COL6A3: variants seen among roughly 807,000 people sequenced by gnomAD.
COL6A3 encodes the protein collagen type VI alpha 3 chain, also known as collagen alpha-3(VI) chain.
In COL6A3, 137 loss-of-function variants were observed where a neutral mutation model predicts 274.1. The observed-to-expected ratio is 0.50, with a 90% CI of 0.44 to 0.58. The LOEUF (loss-of-function observed/expected upper bound fraction) is 0.58. COL6A3 is among the 20% of genes least tolerant of loss of function. The pLI, the probability that COL6A3 is intolerant of heterozygous loss-of-function variation, is 0.00. For synonymous variants in COL6A3, 1,650 were observed against 1,650.6 expected, an observed-to-expected ratio of 1.00 and a Z score of 0.01; for missense variants, 3,950 against 4,124.9, an observed-to-expected ratio of 0.96 and a Z score of 1.16.
chr2:237,359,121 C>G, intron 19 of COL6A3, 33 bp from the exon 20 acceptor site: 1 of 1,613,790 alleles, frequency 6.2e-7, no homozygotes, highest in East Asian at 2.2e-5. Flanking sequence ...GTCACACCTG[C>G]TGCAATTTCT....
intron 1 of COL6A3, among the ~76,000 whole-genome samples, chr2:237,406,835 A>C (rs2078731383): frequency 6.6e-6 from 1 of 152,130 alleles, no homozygotes; most frequent in South Asian, 2.1e-4. Context: ...GAAACCTCCA[A>C]AGAAATATAG....
Position 237,324,878 on chromosome 2 carries a change from A to G in COL6A3, c.9494-64T>C. ...GAGCCGAGAGAAGAGAGGAAAAGCC[A>G]CATTACTGACCCAAAAGGGCACTGT... On this transcript the variant is annotated intron_variant, in intron 43 of 43. Transcript: ENST00000295550. 5 of 1,550,320 alleles carry G rather than the reference A, an allele frequency of 3.2e-6. No individual in the cohort carries two copies. In the South Asian group the frequency reaches 5.6e-5, roughly 17 times the overall value.
chr2:237,394,341 G>A (rs1401410102), intron 3 of COL6A3, among the ~76,000 whole-genome samples: 1 of 152,138 alleles, frequency 6.6e-6, no homozygotes, highest in Non-Finnish European at 1.5e-5. Flanking sequence ...ATTAGAATGT[G>A]GGTTTTTTTA....
Position 237,357,887 on chromosome 2 carries a change from A to G in COL6A3, c.6472-5T>C. 6.2e-7 allele frequency: 1 copy of G among 1,613,892 alleles called. No homozygotes were observed. Among genetic ancestry groups the G allele is most frequent in the Non-Finnish European group, 8.5e-7 (1 of 1,179,918 alleles). The stretch of plus-strand genomic sequence containing the variant: ...GCTGTCTTGTCCTGGGTTACCCTGA[A>G]AGCAACATGGGAAAGGGAAATGAGC... On this transcript the variant is annotated splice_region_variant and splice_polypyrimidine_tract_variant and intron_variant, in intron 21 of 43. Transcript: ENST00000295550.
intron 1 of COL6A3, among the ~76,000 whole-genome samples, chr2:237,411,314 C>T (rs750414541): frequency 3.9e-5 from 6 of 152,180 alleles, no homozygotes; most frequent in African/African-American, 9.7e-5. Context: ...ATAGTATTCA[C>T]GACTTGCCGG....
intron 20 of COL6A3, 133 bp downstream of exon 20, chr2:237,358,902 C>T (rs1377868175): frequency 4.4e-6 from 4 of 915,800 alleles, no homozygotes; most frequent in Non-Finnish European, 7.3e-6. Flanking sequence ...GTAATGGGTG[C>T]ACTCACAGGG....
At chr2:237,355,269 A>C (rs769253140) in intron 23 of COL6A3, 12 of 302,074 alleles carry the variant, frequency 4.0e-5, no homozygotes, top group Non-Finnish European at 6.7e-5. Context: ...TCAAATGAGG[A>C]ATGTGAAAAG....
At position 237,340,527 on chromosome 2, in the gene COL6A3, A is replaced by G. The variant is rs754977455; in HGVS notation, c.8389T>C (p.Leu2797=). The G allele has an allele frequency of 6.8e-6, 11 of 1,614,046 alleles. No homozygotes were observed. The Admixed American group carries it at 8.3e-5, about 12-fold the overall frequency. ...TTGAGCTCGGTGGACTTGTCCACTA[A>G]TTTGAAGAAGACGTCGTTTGGCTCA... ...ASEPNDVFFK[L]VDKSTELNEE... is the part of the protein sequence containing the mutation. Residue 2797 remains leucine, a synonymous_variant, in exon 38 of 44, where the codon TTA becomes CTA. Transcript: ENST00000295550.
intron 16 of COL6A3, 150 bp downstream of exon 16, chr2:237,360,971 G>T: frequency 1.4e-6 from 1 of 731,724 alleles, no homozygotes. Context: ...AGACATCCAG[G>T]CAAAGTTGTT....
At position 237,374,336 on chromosome 2, in the gene COL6A3, A is replaced by C; in HGVS notation, c.3679+76T>G. ...TGGCAGGAAAAGCAAAATTGAGAAC[A>C]CCTTGTGGCCCACAGTCCAGACAAG... On this transcript the variant is annotated intron_variant, in intron 8 of 43. Transcript: ENST00000295550. The surrounding 1 kb of genome is among the most constrained non-coding windows in gnomAD (Gnocchi z 4.8). 6.3e-7 allele frequency: 1 copy of C among 1,591,848 alleles called. No homozygotes were observed. Among genetic ancestry groups the C allele is most frequent in the Non-Finnish European group, 8.5e-7 (1 of 1,172,686 alleles).
At chr2:237,377,386 A>G (rs1176992181) in intron 6 of COL6A3, 42 bp from the exon 7 acceptor site, 1 of 1,589,344 alleles carries the variant, frequency 6.3e-7, no homozygotes, top group Non-Finnish European at 8.5e-7. Context: ...GGACGAGAGC[A>G]TAACAGGAAC....
intron 31 of COL6A3, 100 bp from the exon 32 acceptor site, chr2:237,346,665 G>T: frequency 7.6e-6 from 8 of 1,054,788 alleles, no homozygotes; most frequent in East Asian, 2.5e-5. Context: ...TAACCCAAGG[G>T]ACTCCATCAC....
intron 1 of COL6A3, among the ~76,000 whole-genome samples, chr2:237,409,482 T>C (rs1324029527): frequency 6.6e-6 from 1 of 152,148 alleles, no homozygotes; most frequent in African/African-American, 2.4e-5. Context: ...TTGTTAAACT[T>C]AAGTAAACAT....
At chr2:237,400,521 C>T in intron 1 of COL6A3, among the ~76,000 whole-genome samples, 1 of 151,486 alleles carries the variant, frequency 6.6e-6, no homozygotes, top group Non-Finnish European at 1.5e-5. Context: ...TAGATATTTG[C>T]TTGAAATATA....
chr2:237,394,946 T>G lies in COL6A3; in HGVS notation c.350A>C (p.Gln117Pro). 6.2e-7 allele frequency: 1 copy of G among 1,614,118 alleles called. No homozygotes were observed. The highest frequency in any genetic ancestry group is 1.3e-5 in the African/African-American group (1 of 75,044). The change falls in exon 3 of 44, where the codon CAG becomes CCG. Residue 117 changes from glutamine to proline, a missense_variant. Gln to Pro is a moderately conservative substitution (Grantham distance 76). Transcript: ENST00000295550. ...SNMSYIGGTN[Q>P]TGKGLEYIMQ... The stretch of plus-strand genomic sequence containing the variant: ...TATGTATTCTAATCCTTTTCCAGTC[T>G]GATTGGTTCCCCCAATATAAGACAT...
intron 4 of COL6A3, among the ~76,000 whole-genome samples, chr2:237,381,894 C>A (rs1376506149): frequency 6.6e-6 from 1 of 152,134 alleles, no homozygotes; most frequent in Non-Finnish European, 1.5e-5. Flanking sequence ...CTCAGAGAAC[C>A]CTTTGCCTCA....
At chr2:237,393,646 GGGAGGTCCCTCTGCTCTGCCCATC>G (rs1464758761) in intron 3 of COL6A3, among the ~76,000 whole-genome samples, 18 of 152,126 alleles carry the variant, frequency 1.2e-4, no homozygotes, top group Non-Finnish European at 8.8e-5. Flanking sequence ...TTCTAACAAG[GGGAGGTCCCTCTGCTCTGCCCATC>G]GCTGATGAGT....
chr2:237,333,060 TTG>T lies in COL6A3; in HGVS notation c.9328+388_9328+389del. On this transcript the variant is annotated intron_variant, in intron 42 of 43. Coordinates refer to ENST00000295550, the MANE Select transcript of COL6A3 (RefSeq NM_004369.4). The stretch of plus-strand genomic sequence containing the variant: ...TGCATTTCATGGATTCCAGCCAAAT[TTG>T]TCTTGTGTTCTTCTAAGCAGTTTTT... 3 of 310,928 alleles carry T rather than the reference TTG, an allele frequency of 9.6e-6. No individual in the cohort carries two copies. In the South Asian group the frequency reaches 9.7e-5, roughly 10 times the overall value. The allele number at this position is 310,928 out of a possible 1,614,324, so 19.3% of individuals were successfully genotyped here. A position where few individuals can be genotyped will look rare whatever the true frequency, so the allele number is the denominator to read the frequency against.
intron 16 of COL6A3, among the ~76,000 whole-genome samples, 156 bp from the exon 17 acceptor site, chr2:237,360,315 C>T (rs1231046474): frequency 3.9e-5 from 6 of 152,178 alleles, no homozygotes; most frequent in Admixed American, 3.9e-4. Context: ...AGCCAGGGAG[C>T]CTCTTGGGCC....
Sources: gnomAD v4.1 joint callset for allele counts (sites outside exome capture counted in the v4.1 genomes callset) on GRCh38, gnomAD v4.1.1 for gene constraint, Gnocchi (gnomAD v3.1) non-coding constraint, MANE v1.5 for transcripts, NCBI Gene and HGNC (gene_info 2026-07-23, HGNC 2026-07-21) for gene names.